DCBLD1: variants seen among roughly 807,000 people sequenced by gnomAD.
DCBLD1 encodes discoidin, CUB and LCCL domain-containing protein 1.
Under a neutral mutation model 71.5 loss-of-function variants are expected in DCBLD1, and 57 were observed. The observed-to-expected ratio is 0.80, with a 90% CI of 0.64 to 0.99. The LOEUF (loss-of-function observed/expected upper bound fraction) is 0.99. Ranked by LOEUF, DCBLD1 falls within the 50% of genes least tolerant of loss-of-function variation. The pLI, the probability that DCBLD1 is intolerant of heterozygous loss-of-function variation, is 0.00. For missense variants in DCBLD1, 891 were observed against 923.5 expected, an observed-to-expected ratio of 0.96 and a Z score of 0.46; for synonymous variants, 380 against 363.8, an observed-to-expected ratio of 1.04 and a Z score of -0.51.
chr6:117,543,650 G>A lies in DCBLD1; in HGVS notation c.1445+439G>A, dbSNP rs552882867. Among the ~76,000 whole-genome samples the A allele has an allele frequency of 4.6e-5, 7 of 152,260 alleles. No individual in the cohort carries two copies. In the East Asian group the frequency reaches 1.4e-3, roughly 29 times the overall value. On this transcript the variant is annotated intron_variant, in intron 12 of 14. Transcript: ENST00000338728. ...ACTGGGATTATAGGCATGAGCCACC[G>A]CACCCCACCATGTATTACTTTATAA...
chr6:117,485,118 C>A (rs1777042377), intron 1 of DCBLD1: 1 of 152,154 alleles, frequency 6.6e-6, no homozygotes, highest in Non-Finnish European at 1.5e-5. Flanking sequence ...AGTTTTTATT[C>A]CACTTGTATA....
At chr6:117,550,307 G>A (rs1207612135), downstream of DCBLD1, among the ~76,000 whole-genome samples, 1 of 152,118 alleles carries the variant, frequency 6.6e-6, no homozygotes, top group East Asian at 1.9e-4. Flanking sequence ...GGTTGGGTGA[G>A]TGGAAAGGTC....
rs1410733673 is a variant in DCBLD1 at position 117,564,395 on chromosome 6, CTTCAG to C, written c.1616-5222_1616-5218del. 3.9e-5 allele frequency among the ~76,000 whole-genome samples: 6 copies of C among 152,126 alleles called. No individual in the cohort carries two copies. In the East Asian group the frequency reaches 1.2e-3, roughly 29 times the overall value. ...CATTGTTGCTTTCATATTACATTAA[CTTCAG>C]TTAACTGAGGCATATACTAGTTAAT... On this transcript the variant is annotated intron_variant, in intron 14 of 14. Coordinates refer to the DCBLD1 transcript ENST00000296955.
chr6:117,547,799 CG>C (rs1372992419), intron 14 of DCBLD1, 107 bp from the exon 15 acceptor site: 10 of 1,542,644 alleles, frequency 6.5e-6, no homozygotes, highest in Non-Finnish European at 8.8e-6. Context: ...TGAGGGCACC[CG>C]GGGGGAAAGT....
At chr6:117,532,204 ACT>A in intron 5 of DCBLD1, 54 bp from the exon 6 acceptor site, 1 of 1,527,434 alleles carries the variant, frequency 6.5e-7, no homozygotes, top group Non-Finnish European at 8.8e-7. Context: ...GAAAACTCCA[ACT>A]ATATTTTAAC....
At chr6:117,505,882 G>A (rs1489505300) in intron 2 of DCBLD1, among the ~76,000 whole-genome samples, 1 of 152,160 alleles carries the variant, frequency 6.6e-6, no homozygotes, top group Non-Finnish European at 1.5e-5. Context: ...ATCATGGTCT[G>A]CCTCAGGGTG....
chr6:117,517,165 A>G (rs1778228151), intron 2 of DCBLD1, among the ~76,000 whole-genome samples: 1 of 152,236 alleles, frequency 6.6e-6, no homozygotes, highest in Non-Finnish European at 1.5e-5. Flanking sequence ...CCTAGATACA[A>G]TGTGGGTACT....
Position 117,521,575 on chromosome 6 carries a change from AG to A in DCBLD1, c.512+1del. 2 of 1,560,972 alleles carry A rather than the reference AG, an allele frequency of 1.3e-6. No individual in the cohort carries two copies. Among genetic ancestry groups the A allele is most frequent in the Non-Finnish European group, 1.7e-6 (2 of 1,163,486 alleles). ...RASHYLKTEY[S>X]KFCPAGCRDV... ...TAGCCATTATTTGAAGACAGAATAC[AG>A]GTAAGTATAGGTATCCTAACTGTGT... On this transcript the variant is annotated frameshift_variant and splice_region_variant, in exon 4 of 15. Coordinates refer to ENST00000338728, the MANE Select transcript of DCBLD1 (RefSeq NM_001366458.2). LOFTEE classifies it high-confidence loss of function.
intron 7 of DCBLD1, among the ~76,000 whole-genome samples, chr6:117,538,030 G>C (rs1182117999): frequency 6.6e-6 from 1 of 152,064 alleles, no homozygotes; most frequent in Non-Finnish European, 1.5e-5. Flanking sequence ...TCTCCATCAT[G>C]GAATGTATTC....
intron 2 of DCBLD1, among the ~76,000 whole-genome samples, chr6:117,510,585 C>A (rs889937905): frequency 6.6e-6 from 1 of 152,132 alleles, no homozygotes; most frequent in Non-Finnish European, 1.5e-5. Context: ...TATTCATGCT[C>A]TTTTATTCAC....
At chr6:117,524,630 G>A (rs535009851) in intron 4 of DCBLD1, among the ~76,000 whole-genome samples, 321 of 152,282 alleles carry the variant, frequency 2.1e-3, no homozygotes, top group Non-Finnish European at 3.7e-3. Context: ...TTGAACTGTG[G>A]TGAGTGCAAA....
intron 2 of DCBLD1, among the ~76,000 whole-genome samples, chr6:117,514,749 T>G (rs189140592): frequency 1.2e-3 from 181 of 152,318 alleles, no homozygotes; most frequent in African/African-American, 4.2e-3. Flanking sequence ...TACATTTTCC[T>G]TCTTTGATCT....
intron 1 of DCBLD1, among the ~76,000 whole-genome samples, chr6:117,503,281 T>TTGTAGCTAAAC (rs1777724627): frequency 6.6e-6 from 1 of 152,254 alleles, no homozygotes; most frequent in Non-Finnish European, 1.5e-5. Context: ...CCCAGCTAAA[T>TTGTAGCTAAAC]GACTTGTAGC....
rs563986397 is a variant in DCBLD1, at chr6:117,515,118, C to T, written c.326-4698C>T. Among the ~76,000 whole-genome samples, 3 of 151,074 alleles carry T rather than the reference C, an allele frequency of 2.0e-5. No homozygotes were observed. In the South Asian group the frequency reaches 6.3e-4, roughly 32 times the overall value. On this transcript the variant is annotated intron_variant, in intron 2 of 14. Transcript: ENST00000338728. ...CACTGCAACCTCCACCCCCCAGGTT[C>T]AAGCAATTCTCCTGTCTCAGCCTCC...
chr6:117,567,255 G>A (rs1383809015), intron 14 of DCBLD1, among the ~76,000 whole-genome samples: 1 of 152,068 alleles, frequency 6.6e-6, no homozygotes, highest in Non-Finnish European at 1.5e-5. Flanking sequence ...CATTATAGTA[G>A]CTCTTTCTAC....
chr6:117,555,453 T>C (rs1325552528), intron 14 of DCBLD1, among the ~76,000 whole-genome samples: 2 of 152,128 alleles, frequency 1.3e-5, no homozygotes, highest in African/African-American at 4.8e-5. Context: ...TCAACCATGG[T>C]GAACATGACA....
chr6:117,487,227 G>A (rs1777119959), intron 1 of DCBLD1, among the ~76,000 whole-genome samples: 1 of 152,046 alleles, frequency 6.6e-6, no homozygotes, highest in South Asian at 2.1e-4. Flanking sequence ...GCCTTGAACA[G>A]TGGCCATATT....
chr6:117,547,949 G>C lies in DCBLD1; in HGVS notation c.1658G>C (p.Arg553Thr), dbSNP rs146929010. ...PLMIGTGTVT[R>T]KGSTFRPMDT... ...ATGATTGGCACCGGGACAGTCACGA[G>C]GAAGGGCTCCACCTTCCGGCCCATG... The change falls in exon 15 of 15, where the codon AGG (arginine) becomes ACG (threonine). Residue 553 changes from arginine (R) to threonine (T), a missense_variant. Coordinates refer to ENST00000338728, the MANE Select transcript of DCBLD1 (RefSeq NM_001366458.2). The C allele has an allele frequency of 6.4e-7, 1 of 1,550,606 alleles. No homozygotes were observed. The highest frequency in any genetic ancestry group is 8.7e-7 in the Non-Finnish European group (1 of 1,146,974).
Position 117,539,309 on chromosome 6 carries a change from T to C in DCBLD1, c.1031T>C (p.Phe344Ser). The change falls in exon 9 of 15, where the codon TTT becomes TCT. Residue 344 changes from phenylalanine to serine, a missense_variant. By Grantham distance (155) the Phe-to-Ser change is radical. Coordinates refer to ENST00000338728, the MANE Select transcript of DCBLD1 (RefSeq NM_001366458.2). ...AACTTCAACTTTTATGTTAAGAGTT[T>C]TGTGATGAACTTCAAAAACAATAAT... Reference protein sequence around the residue: ...QSNFNFYVKSFVMNFKNNNSK... With the variant: ...QSNFNFYVKSSVMNFKNNNSK... The C allele has an allele frequency of 1.9e-6, 3 of 1,608,538 alleles. No individual in the cohort carries two copies. Among genetic ancestry groups the C allele is most frequent in the Non-Finnish European group, 2.5e-6 (3 of 1,178,474 alleles).
Sources: gnomAD v4.1 joint callset for allele counts (sites outside exome capture counted in the v4.1 genomes callset) on GRCh38, gnomAD v4.1.1 for gene constraint, MANE v1.5 for transcripts, NCBI Gene and HGNC (gene_info 2026-07-23, HGNC 2026-07-21) for gene names.